KIAA0825: variants seen among roughly 807,000 people sequenced by gnomAD.
KIAA0825 encodes uncharacterized protein KIAA0825.
Under a neutral mutation model 147.6 loss-of-function variants are expected in KIAA0825, and 119 were observed. The observed-to-expected ratio is 0.81, with a 90% CI of 0.69 to 0.94. The LOEUF (loss-of-function observed/expected upper bound fraction) is 0.94. Among genes scored for constraint, KIAA0825 ranks in the 40% least tolerant of loss-of-function variants. The probability of loss-of-function intolerance (pLI) is 0.00; values close to 1 mark genes in which losing one functional copy is unlikely to be tolerated. For missense variants in KIAA0825, 1,381 were observed against 1,472.7 expected, an observed-to-expected ratio of 0.94 and a Z score of 1.02; for synonymous variants, 470 against 518.1, an observed-to-expected ratio of 0.91 and a Z score of 1.26.
intron 20 of KIAA0825, among the ~76,000 whole-genome samples, chr5:94,226,502 A>G (rs926016167): frequency 1.7e-4 from 26 of 152,300 alleles, no homozygotes; most frequent in Middle Eastern, 3.4e-3. Flanking sequence ...TGACCCAGCA[A>G]TCCCATAAAC....
chr5:94,583,766 T>G (rs2152369832), intron 1 of KIAA0825, among the ~76,000 whole-genome samples: 1 of 152,166 alleles, frequency 6.6e-6, no homozygotes, highest in Admixed American at 6.5e-5. Flanking sequence ...GGAAGACATC[T>G]CCCAGTCAGG....
intron 2 of KIAA0825, chr5:94,570,060 C>A (rs1584924802): frequency 6.6e-6 from 1 of 152,540 alleles, no homozygotes; most frequent in Non-Finnish European, 1.5e-5. Flanking sequence ...GAAAGACCCA[C>A]CCTCACACGA....
intron 20 of KIAA0825, among the ~76,000 whole-genome samples, chr5:94,211,681 C>A (rs942090006): frequency 1.3e-5 from 2 of 152,120 alleles, no homozygotes; most frequent in African/African-American, 4.8e-5. Context: ...TTGAGTCCTA[C>A]CTGTAACTCA....
intron 20 of KIAA0825, among the ~76,000 whole-genome samples, chr5:94,368,723 C>T (rs1746234872): frequency 6.6e-6 from 1 of 152,208 alleles, no homozygotes; most frequent in African/African-American, 2.4e-5. Context: ...GAAATAGAAA[C>T]TTGGCAAAGT....
At chr5:94,434,569 T>C (rs1756100324) in intron 14 of KIAA0825, among the ~76,000 whole-genome samples, 1 of 152,206 alleles carries the variant, frequency 6.6e-6, no homozygotes, top group Non-Finnish European at 1.5e-5. Flanking sequence ...TCTTAGTCCA[T>C]TTTCTGCTGC....
At chr5:94,339,790 G>T (rs759322116) in intron 20 of KIAA0825, among the ~76,000 whole-genome samples, 1 of 152,100 alleles carries the variant, frequency 6.6e-6, no homozygotes, top group Admixed American at 6.6e-5. Context: ...CATTTAGCAT[G>T]GTAGTTGAAT....
At chr5:94,425,918 A>G (rs928803872) in intron 14 of KIAA0825, among the ~76,000 whole-genome samples, 1 of 151,790 alleles carries the variant, frequency 6.6e-6, no homozygotes, top group African/African-American at 2.4e-5. Flanking sequence ...TTGAGAAATG[A>G]CTCCCTAAAG....
chr5:94,564,842 C>A (rs1778307405), intron 2 of KIAA0825, among the ~76,000 whole-genome samples: 1 of 151,974 alleles, frequency 6.6e-6, no homozygotes, highest in Non-Finnish European at 1.5e-5. Context: ...GGGTTCAAAC[C>A]CCATCATCTG....
chr5:94,545,932 G>C (rs1774265412), intron 2 of KIAA0825, among the ~76,000 whole-genome samples: 1 of 152,118 alleles, frequency 6.6e-6, no homozygotes, highest in South Asian at 2.1e-4. Flanking sequence ...TCGAGGCCTA[G>C]GCTCTTGGAT....
At chr5:94,183,615 A>G (rs1408896819) in intron 20 of KIAA0825, among the ~76,000 whole-genome samples, 1 of 152,164 alleles carries the variant, frequency 6.6e-6, no homozygotes, top group African/African-American at 2.4e-5. Flanking sequence ...AATTGAGCCA[A>G]TGGCCAATGA....
intron 13 of KIAA0825, among the ~76,000 whole-genome samples, chr5:94,449,334 AAAAC>A (rs1293249067): frequency 6.6e-6 from 1 of 152,154 alleles, no homozygotes; most frequent in Admixed American, 6.6e-5. Context: ...AGATATAATG[AAAAC>A]AGTCTTTTAA....
chr5:94,238,847 T>C (rs1775202668), intron 20 of KIAA0825, among the ~76,000 whole-genome samples: 1 of 152,120 alleles, frequency 6.6e-6, no homozygotes. Flanking sequence ...TGGGAGGGAA[T>C]ATGATCAACG....
At chr5:94,447,905 A>G (rs1285705998) in intron 13 of KIAA0825, among the ~76,000 whole-genome samples, 3 of 152,062 alleles carry the variant, frequency 2.0e-5, no homozygotes, top group Non-Finnish European at 4.4e-5. Context: ...AGTAGTTAAA[A>G]TGAATGGACT....
chr5:94,453,339 A>ATTTTTTTTTTTTTTTT (rs563316235), intron 12 of KIAA0825, among the ~76,000 whole-genome samples: 1 of 118,236 alleles, frequency 8.5e-6, no homozygotes, highest in Non-Finnish European at 1.7e-5. Context: ...CGTGTGGCTG[A>ATTTTTTTTTTTTTTTT]TTTTTTTTTT....
intron 20 of KIAA0825, among the ~76,000 whole-genome samples, chr5:94,330,347 G>A (rs2150286303): frequency 6.6e-6 from 1 of 152,232 alleles, no homozygotes; most frequent in South Asian, 2.1e-4. Context: ...AACATATTTA[G>A]TTGAGCTGAA....
At chr5:94,588,427 A>G (rs1255615240) in intron 1 of KIAA0825, among the ~76,000 whole-genome samples, 1 of 152,236 alleles carries the variant, frequency 6.6e-6, no homozygotes, top group Non-Finnish European at 1.5e-5. Flanking sequence ...GCCAACAGAC[A>G]TATGAAAAAA....
At chr5:94,281,042 A>C (rs1180856722) in intron 20 of KIAA0825, among the ~76,000 whole-genome samples, 1 of 152,114 alleles carries the variant, frequency 6.6e-6, no homozygotes, top group East Asian at 1.9e-4. Context: ...AAATGGTAAG[A>C]ATATTTTGTT....
chr5:94,279,072 A>C (rs1161394223), intron 20 of KIAA0825, among the ~76,000 whole-genome samples: 1 of 152,090 alleles, frequency 6.6e-6, no homozygotes, highest in East Asian at 1.9e-4. Flanking sequence ...GGTGTTGTAA[A>C]GCACCTATAT....
chr5:94,324,748 G>T lies in KIAA0825; in HGVS notation c.3710+59620C>A, dbSNP rs1278405696. Among the ~76,000 whole-genome samples, 3 of 151,756 alleles carry T rather than the reference G, an allele frequency of 2.0e-5. No individual in the cohort carries two copies. In the East Asian group the frequency reaches 5.8e-4, roughly 29 times the overall value. ...GATAATGAAAAGAAAATGAGACAAG[G>T]TCACAGCATTTTAAGCACCATATTA... On this transcript the variant is annotated intron_variant, in intron 20 of 20. Transcript: ENST00000682413.
Sources: allele counts gnomAD v4.1 joint callset (sites outside exome capture counted in the v4.1 genomes callset), GRCh38; gene constraint gnomAD v4.1.1; transcripts MANE v1.5; gene names NCBI Gene and HGNC (gene_info 2026-07-23, HGNC 2026-07-21).